Variants in SV2B observed in about 807,000 individuals in gnomAD.
SV2B encodes synaptic vesicle glycoprotein 2B.
In SV2B, 41 loss-of-function variants were observed where a neutral mutation model predicts 73.9. The ratio of observed to expected loss-of-function variants is 0.56; its 90% CI spans 0.43 to 0.72. SV2B has a LOEUF of 0.72. Among genes scored for constraint, SV2B ranks in the 30% least tolerant of loss-of-function variants. The probability of loss-of-function intolerance (pLI) is 0.00; values close to 1 mark genes in which losing one functional copy is unlikely to be tolerated. For missense variants in SV2B, 764 were observed against 857.8 expected (o/e 0.89, Z 1.37); for synonymous variants, 314 against 314.2 (o/e 1.00, Z 0.01).
chr15:91,285,882 G>C (rs565569283), intron 11 of SV2B, among the ~76,000 whole-genome samples: 1 of 152,216 alleles, frequency 6.6e-6, no homozygotes, highest in East Asian at 1.9e-4. Flanking sequence ...GTGGGGTGGG[G>C]GTGTGGCTGG....
intron 1 of SV2B, among the ~76,000 whole-genome samples, chr15:91,101,548 G>T (rs1262879315): frequency 1.3e-5 from 2 of 152,152 alleles, no homozygotes; most frequent in South Asian, 2.1e-4. Context: ...GTAATCAGGA[G>T]GTGGATAAGT....
At position 91,227,021 on chromosome 15, in the gene SV2B, A is replaced by G. The variant is rs7179149; in HGVS notation, c.451+307A>G. On this transcript the variant is annotated intron_variant, in intron 2 of 12. Transcript: ENST00000394232. The surrounding 1 kb of genome is among the most constrained non-coding windows in gnomAD (Gnocchi z 4.5). ...AACCTTCTTCGATGTCCAAATGACA[A>G]ATACATTTTGGGAGTGGCAAATGTG... Among the ~76,000 whole-genome samples the G allele has an allele frequency of 0.31, 47,106 of 152,012 alleles. 9,513 individuals carry two copies. The highest frequency in any genetic ancestry group is 0.58 in the African/African-American group (24,051 of 41,402).
At chr15:91,142,341 C>A (rs2043021447) in intron 1 of SV2B, among the ~76,000 whole-genome samples, 1 of 152,174 alleles carries the variant, frequency 6.6e-6, no homozygotes, top group South Asian at 2.1e-4. Context: ...CCCCAAGTGG[C>A]ATTTCAAGAT....
Position 91,267,550 on chromosome 15 carries a change from T to G in SV2B, c.1120-5T>G. Reference sequence around the variant, plus strand: ...TTAACAATCCTTCTCTGGTATGGGTTGTAGGTCTGGGATAATGCCCTGTAC... The same window carrying G: ...TTAACAATCCTTCTCTGGTATGGGTGGTAGGTCTGGGATAATGCCCTGTAC... On this transcript the variant is annotated splice_region_variant and splice_polypyrimidine_tract_variant and intron_variant, in intron 7 of 12. Transcript: ENST00000394232. The surrounding 1 kb of genome is among the most constrained non-coding windows in gnomAD (Gnocchi z 4.3). The G allele has an allele frequency of 6.2e-7, 1 of 1,611,998 alleles. No individual in the cohort carries two copies. The highest frequency in any genetic ancestry group is 8.5e-7 in the Non-Finnish European group (1 of 1,178,498).
At chr15:91,119,978 C>T (rs1017203520) in intron 1 of SV2B, among the ~76,000 whole-genome samples, 2 of 152,140 alleles carry the variant, frequency 1.3e-5, no homozygotes, top group Non-Finnish European at 2.9e-5. Flanking sequence ...TATTATTCTC[C>T]TTGTTACTCT....
chr15:91,113,828 C>T (rs1209935888), intron 1 of SV2B, among the ~76,000 whole-genome samples: 2 of 152,026 alleles, frequency 1.3e-5, no homozygotes, highest in Admixed American at 6.6e-5. Context: ...TTAAAATAGT[C>T]GCAGTAAGGT....
Position 91,209,114 on chromosome 15 carries a change from G to GTTT in SV2B, c.-391-16736_-391-16734dup, listed in dbSNP as rs903531189. 2.2e-3 allele frequency among the ~76,000 whole-genome samples: 198 copies of GTTT among 89,946 alleles called. 3 individuals carry two copies. The highest frequency in any genetic ancestry group is 7.4e-3 in the African/African-American group (118 of 16,028). 59.0% of individuals were successfully genotyped at this position (89,946 alleles called of 152,430 possible). ...AGTGACTGTGGCAGTACTGTTTTTT[G>GTTT]TTTTTTTTTTTTTTTTTTTTTTTTT... On this transcript the variant is annotated intron_variant, in intron 1 of 12. Coordinates refer to ENST00000394232, the MANE Select transcript of SV2B (RefSeq NM_001323032.3).
chr15:91,168,463 C>T (rs1321004158), intron 1 of SV2B, among the ~76,000 whole-genome samples: 1 of 152,054 alleles, frequency 6.6e-6, no homozygotes, highest in African/African-American at 2.4e-5. Flanking sequence ...TGGTTCATGC[C>T]TGGGACTTGC....
chr15:91,183,423 G>A (rs1435666983), intron 1 of SV2B, among the ~76,000 whole-genome samples: 1 of 152,164 alleles, frequency 6.6e-6, no homozygotes, highest in Non-Finnish European at 1.5e-5. Context: ...TAAAGAAATA[G>A]TTCAGATATG....
intron 1 of SV2B, among the ~76,000 whole-genome samples, chr15:91,179,277 T>G (rs1000731828): frequency 6.6e-6 from 1 of 152,184 alleles, no homozygotes. Context: ...ATAATTTCTG[T>G]TCTTTTACAT....
At position 91,141,892 on chromosome 15, in the gene SV2B, G is replaced by C. The variant is rs2141188480; in HGVS notation, c.-392+41529G>C. On this transcript the variant is annotated intron_variant, in intron 1 of 12. Coordinates refer to ENST00000394232, the MANE Select transcript of SV2B (RefSeq NM_001323032.3). The surrounding 1 kb of genome is among the most constrained non-coding windows in gnomAD (Gnocchi z 4.6). ...CACTGTCGGACGGGAATTGGCAGTAGAGAACACAGGGTCCCACAGTGGATC... is the reference window on the plus strand; with the variant it reads ...CACTGTCGGACGGGAATTGGCAGTACAGAACACAGGGTCCCACAGTGGATC... 6.6e-6 allele frequency among the ~76,000 whole-genome samples: 1 copy of C among 152,256 alleles called. No individual in the cohort carries two copies. The highest frequency in any genetic ancestry group is 2.4e-5 in the African/African-American group (1 of 41,538).
At chr15:91,170,262 T>C (rs1864544041) in intron 1 of SV2B, among the ~76,000 whole-genome samples, 1 of 151,994 alleles carries the variant, frequency 6.6e-6, no homozygotes, top group African/African-American at 2.4e-5. Context: ...GCAGTCTTAT[T>C]AGAGAGATAT....
At chr15:91,287,633 C>T (rs1196084168) in intron 11 of SV2B, among the ~76,000 whole-genome samples, 3 of 152,192 alleles carry the variant, frequency 2.0e-5, no homozygotes, top group African/African-American at 4.8e-5. Flanking sequence ...CCCATCCCCA[C>T]CCCAGAGTTC....
intron 1 of SV2B, among the ~76,000 whole-genome samples, chr15:91,205,248 G>A (rs2045592666): frequency 6.6e-6 from 1 of 152,154 alleles, no homozygotes; most frequent in South Asian, 2.1e-4. Flanking sequence ...AGCGTGAAGT[G>A]TGAGGGCCGA....
At position 91,292,892 on chromosome 15, in the gene SV2B, G is replaced by C. The variant is rs16945523; in HGVS notation, c.*340G>C. On this transcript the variant is annotated 3_prime_UTR_variant, in exon 13 of 13. Transcript: ENST00000394232. ...AAGTGCAAGGACTTAACTTGCGTTT[G>C]AAAAGGAATTAGAGGGTCAGAAACA... is the stretch of plus-strand genomic sequence containing the variant. The C allele has an allele frequency of 0.16, 28,392 of 179,206 alleles. 3,909 individuals are homozygous for C. The highest frequency in any genetic ancestry group is 0.4 in the African/African-American group (16,921 of 42,658). The allele number at this position is 179,206 out of a possible 1,614,324, so 11.1% of individuals were successfully genotyped here.
chr15:91,150,649 G>A (rs2043287360), intron 1 of SV2B, among the ~76,000 whole-genome samples: 2 of 152,202 alleles, frequency 1.3e-5, no homozygotes, highest in South Asian at 4.1e-4. Context: ...CCCAGTGTCT[G>A]CTTCCATAAG....
At chr15:91,218,697 A>G (rs1202225040) in intron 1 of SV2B, among the ~76,000 whole-genome samples, 1 of 152,182 alleles carries the variant, frequency 6.6e-6, no homozygotes, top group Non-Finnish European at 1.5e-5. Flanking sequence ...AAGGGTATCC[A>G]GTCCTTCTAA....
In SV2B at chr15:91,139,236, T is replaced by C. The variant is rs1251230332; in HGVS notation, c.-392+38873T>C. 6.6e-6 allele frequency among the ~76,000 whole-genome samples: 1 copy of C among 152,014 alleles called. No homozygotes were observed. The highest frequency in any genetic ancestry group is 2.4e-5 in the African/African-American group (1 of 41,358). Reference sequence around the variant, plus strand: ...GAACTGGGTAGGGGTATAGATGATATGAGATTGGAATGAGTTGATAATTGT... The same window carrying C: ...GAACTGGGTAGGGGTATAGATGATACGAGATTGGAATGAGTTGATAATTGT... On this transcript the variant is annotated intron_variant, in intron 1 of 12. Transcript: ENST00000394232. This position sits in a 1 kb window ranked among gnomAD's most constrained non-coding sequence, Gnocchi z 5.2.
At chr15:91,120,826 AG>A (rs201702134) in intron 1 of SV2B, among the ~76,000 whole-genome samples, 10,904 of 145,674 alleles carry the variant, frequency 0.075, 594 homozygotes, top group South Asian at 0.14. Flanking sequence ...AAAAAAAAAA[AG>A]AAAGAAAAAG....
Sources: gnomAD v4.1 joint callset for allele counts (sites outside exome capture counted in the v4.1 genomes callset) on GRCh38, gnomAD v4.1.1 for gene constraint, Gnocchi (gnomAD v3.1) non-coding constraint, MANE v1.5 for transcripts, NCBI Gene and HGNC (gene_info 2026-07-23, HGNC 2026-07-21) for gene names.